EXOC4: variants seen among roughly 807,000 people sequenced by gnomAD.
EXOC4 encodes the protein SEC8-like 1.
Under a neutral mutation model 107.2 loss-of-function variants are expected in EXOC4, and 71 were observed. The observed-to-expected ratio is 0.66, with a 90% CI of 0.55 to 0.81. EXOC4 has a LOEUF of 0.81. Among genes scored for constraint, EXOC4 ranks in the 30% least tolerant of loss-of-function variants. The probability of loss-of-function intolerance (pLI) is 0.00; values close to 1 mark genes in which losing one functional copy is unlikely to be tolerated. For synonymous variants in EXOC4, 456 were observed against 441.2 expected (o/e 1.03, Z -0.42); for missense variants, 1,108 against 1,189.6 (o/e 0.93, Z 1.01).
chr7:133,498,106 A>AT (rs2150883485), intron 9 of EXOC4, among the ~76,000 whole-genome samples: 1 of 152,114 alleles, frequency 6.6e-6, no homozygotes, highest in South Asian at 2.1e-4. Flanking sequence ...CAGACTCATG[A>AT]TTCCTCCTCC....
intron 14 of EXOC4, among the ~76,000 whole-genome samples, chr7:133,947,508 G>C (rs1800581137): frequency 6.6e-6 from 1 of 152,154 alleles, no homozygotes; most frequent in African/African-American, 2.4e-5. Context: ...ATTTGAAAAA[G>C]GCACCTTTTG....
chr7:133,537,296 A>ACCCCCC (rs373040586), intron 9 of EXOC4, among the ~76,000 whole-genome samples: 15 of 128,102 alleles, frequency 1.2e-4, no homozygotes, highest in African/African-American at 3.1e-4. Context: ...GATTACAGGC[A>ACCCCCC]CCCCCCCCCC....
chr7:133,647,986 A>G (rs536974243), intron 10 of EXOC4, among the ~76,000 whole-genome samples: 1 of 152,306 alleles, frequency 6.6e-6, no homozygotes, highest in South Asian at 2.1e-4. Context: ...ATGCCCTTCT[A>G]TTAGTTTTGC....
chr7:133,800,810 T>C (rs145840377), intron 10 of EXOC4, among the ~76,000 whole-genome samples: 249 of 152,312 alleles, frequency 1.6e-3, no homozygotes, highest in African/African-American at 5.8e-3. Flanking sequence ...AACGATACTA[T>C]AAAGTGTCAA....
intron 11 of EXOC4, among the ~76,000 whole-genome samples, chr7:133,820,426 C>G (rs1797492641): frequency 6.6e-6 from 1 of 151,946 alleles, no homozygotes; most frequent in Admixed American, 6.6e-5. Context: ...TCTACAAGCA[C>G]AGGGTGAATT....
chr7:134,022,200 C>T (rs534073956), intron 17 of EXOC4, among the ~76,000 whole-genome samples: 268 of 152,176 alleles, frequency 1.8e-3, no homozygotes, highest in African/African-American at 6.3e-3. Context: ...CTTTTGTTAA[C>T]TTTAATTATA....
chr7:133,365,503 A>G (rs368358505), intron 6 of EXOC4, among the ~76,000 whole-genome samples: 2 of 152,188 alleles, frequency 1.3e-5, no homozygotes, highest in African/African-American at 4.8e-5. Context: ...AGGAGGGAGT[A>G]ACACAGGAAG....
At chr7:133,587,429 T>C (rs1273963222) in intron 9 of EXOC4, among the ~76,000 whole-genome samples, 1 of 152,172 alleles carries the variant, frequency 6.6e-6, no homozygotes, top group East Asian at 1.9e-4. Context: ...AAACTGGAAC[T>C]ATGGGGAGAA....
chr7:134,056,128 G>A (rs1301381464), intron 17 of EXOC4, among the ~76,000 whole-genome samples: 1 of 152,114 alleles, frequency 6.6e-6, no homozygotes, highest in African/African-American at 2.4e-5. Flanking sequence ...TAGCTTTGTG[G>A]TCACTAAAGT....
At chr7:133,708,450 G>A (rs1794815660) in intron 10 of EXOC4, among the ~76,000 whole-genome samples, 1 of 152,182 alleles carries the variant, frequency 6.6e-6, no homozygotes, top group Non-Finnish European at 1.5e-5. Flanking sequence ...TGGATTGGAA[G>A]AAGACAATCA....
At chr7:134,034,317 T>TA (rs775993181) in intron 17 of EXOC4, among the ~76,000 whole-genome samples, 2 of 152,198 alleles carry the variant, frequency 1.3e-5, no homozygotes, top group Non-Finnish European at 2.9e-5. Context: ...AAAGCAACTA[T>TA]ACAGGAAATG....
intron 3 of EXOC4, among the ~76,000 whole-genome samples, chr7:133,289,562 A>G (rs12539120): frequency 0.17 from 25,205 of 152,074 alleles, 2,478 homozygotes; most frequent in Middle Eastern, 0.25. Context: ...AAATTTTGGG[A>G]GACTAATACT....
chr7:133,734,367 C>T (rs1435508656), intron 10 of EXOC4, among the ~76,000 whole-genome samples: 1 of 151,622 alleles, frequency 6.6e-6, no homozygotes, highest in African/African-American at 2.4e-5. Flanking sequence ...TTCCATTTTA[C>T]TTAAACAGGA....
intron 11 of EXOC4, among the ~76,000 whole-genome samples, chr7:133,845,398 A>G (rs1386001190): frequency 6.8e-6 from 1 of 147,074 alleles, no homozygotes; most frequent in Non-Finnish European, 1.5e-5. Context: ...TAATATACAT[A>G]TTATACTATA....
chr7:133,593,992 A>C (rs1271953664), intron 9 of EXOC4, among the ~76,000 whole-genome samples: 1 of 152,148 alleles, frequency 6.6e-6, no homozygotes, highest in Non-Finnish European at 1.5e-5. Flanking sequence ...CTGTAGATTA[A>C]AGTAATGTTC....
intron 1 of EXOC4, among the ~76,000 whole-genome samples, chr7:133,263,220 A>G (rs1013338122): frequency 2.6e-5 from 4 of 152,184 alleles, no homozygotes; most frequent in African/African-American, 9.7e-5. Context: ...CTTGATCATT[A>G]CACAGTCTGT....
At chr7:134,029,542 C>A (rs1011710879) in intron 17 of EXOC4, among the ~76,000 whole-genome samples, 2 of 152,086 alleles carry the variant, frequency 1.3e-5, no homozygotes, top group African/African-American at 4.8e-5. Context: ...TCATGAATGA[C>A]AAGGTTTTAC....
At chr7:133,895,815 C>T in intron 12 of EXOC4, 80 bp downstream of exon 12, 1 of 1,457,026 alleles carries the variant, frequency 6.9e-7, no homozygotes, top group Non-Finnish European at 9.4e-7. Context: ...CTTCAATAGC[C>T]TAATTTCCAA....
chr7:133,751,610 C>T (rs1388813598), intron 10 of EXOC4, among the ~76,000 whole-genome samples: 2 of 152,112 alleles, frequency 1.3e-5, no homozygotes, highest in Non-Finnish European at 2.9e-5. Flanking sequence ...TGTATAGCAG[C>T]ATCTTGATTT....
Sources: gnomAD v4.1 joint callset for allele counts (sites outside exome capture counted in the v4.1 genomes callset) on GRCh38, gnomAD v4.1.1 for gene constraint, MANE v1.5 for transcripts, NCBI Gene and HGNC (gene_info 2026-07-23, HGNC 2026-07-21) for gene names.